Variants in LMO7 observed in about 807,000 individuals in gnomAD.
LMO7 encodes LIM domain 7.
In LMO7, 120 loss-of-function variants were observed where a neutral mutation model predicts 206.5. The ratio of observed to expected loss-of-function variants is 0.58; its 90% confidence interval spans 0.50 to 0.68. LMO7 has a LOEUF of 0.68. Ranked by LOEUF, LMO7 falls within the 30% of genes least tolerant of loss-of-function variation. LMO7 has a pLI of 0.00. For missense variants in LMO7, 1,959 were observed against 1,957.9 expected, an observed-to-expected ratio of 1.00 and a Z score of -0.01; for synonymous variants, 706 against 681.5, an observed-to-expected ratio of 1.04 and a Z score of -0.56.
intron 4 of LMO7, among the ~76,000 whole-genome samples, chr13:75,783,098 G>T (rs1466764519): frequency 3.3e-5 from 5 of 152,272 alleles, no homozygotes; most frequent in South Asian, 2.1e-4. Flanking sequence ...AAAACCATTT[G>T]TGATGGCATA....
At chr13:75,841,419 A>G (rs969524592) in intron 23 of LMO7, among the ~76,000 whole-genome samples, 1 of 152,204 alleles carries the variant, frequency 6.6e-6, no homozygotes, top group African/African-American at 2.4e-5. Flanking sequence ...AATTATGTTA[A>G]TAGAACTTCA....
intron 4 of LMO7, among the ~76,000 whole-genome samples, chr13:75,787,238 G>A (rs570973266): frequency 4.6e-5 from 7 of 152,300 alleles, no homozygotes; most frequent in Admixed American, 3.3e-4. Flanking sequence ...GGAGACACAC[G>A]TCTCAGTTGT....
chr13:75,819,628 T>C, intron 13 of LMO7, 93 bp downstream of exon 13: 2 of 1,216,506 alleles, frequency 1.6e-6, no homozygotes, highest in South Asian at 2.6e-5. Flanking sequence ...GACATAGGTG[T>C]CCACCAATAT....
In LMO7 at chr13:75,636,535, CG is replaced by C; in HGVS notation, c.-121del. ...ACTAGAGCCCCGGCGCCTTCGCAGCCGGAGCGGAAGCCGGAGTTGTGGGAGG... is the reference window on the plus strand; with the variant it reads ...ACTAGAGCCCCGGCGCCTTCGCAGCCGAGCGGAAGCCGGAGTTGTGGGAGG... On this transcript the variant is annotated 5_prime_UTR_variant, in exon 1 of 31. Transcript: ENST00000377534. The C allele has an allele frequency of 2.6e-6, 4 of 1,520,856 alleles. No homozygotes were observed. The highest frequency in any genetic ancestry group is 3.5e-6 in the Non-Finnish European group (4 of 1,141,630). 94.2% of individuals were successfully genotyped at this position (1,520,856 alleles called of 1,614,324 possible).
chr13:75,648,923 T>A (rs563812003), intron 1 of LMO7, among the ~76,000 whole-genome samples: 1 of 152,176 alleles, frequency 6.6e-6, no homozygotes, highest in Non-Finnish European at 1.5e-5. Flanking sequence ...GCAGACATGG[T>A]GGACAGCAAA....
At chr13:75,704,192 A>G (rs993029422) in intron 1 of LMO7, among the ~76,000 whole-genome samples, 6 of 152,154 alleles carry the variant, frequency 3.9e-5, no homozygotes, top group South Asian at 4.1e-4. Context: ...GCCCTGTACT[A>G]TCTCATTATA....
chr13:75,776,162 G>GATAGATATATAT (rs2050386060), intron 4 of LMO7, among the ~76,000 whole-genome samples: 1 of 36,830 alleles, frequency 2.7e-5, no homozygotes, highest in Non-Finnish European at 6.0e-5. Flanking sequence ...ATATATATCG[G>GATAGATATATAT]ATATATATAT....
chr13:75,851,451 C>T (rs558862627), intron 27 of LMO7, among the ~76,000 whole-genome samples: 19 of 152,284 alleles, frequency 1.2e-4, no homozygotes, highest in African/African-American at 3.6e-4. Flanking sequence ...GATACCTCTG[C>T]GGGTTAGGGC....
At chr13:75,639,620 A>G (rs1396452307) in intron 1 of LMO7, among the ~76,000 whole-genome samples, 3 of 152,108 alleles carry the variant, frequency 2.0e-5, no homozygotes, top group South Asian at 2.1e-4. Context: ...GTACCTTTTA[A>G]TTTTCTATGC....
At chr13:75,712,683 C>T (rs765661201) in intron 1 of LMO7, among the ~76,000 whole-genome samples, 1 of 152,036 alleles carries the variant, frequency 6.6e-6, no homozygotes, top group Non-Finnish European at 1.5e-5. Flanking sequence ...TCAATTAGGA[C>T]GATTTCATAA....
At chr13:75,765,666 T>C (rs933753611) in intron 4 of LMO7, among the ~76,000 whole-genome samples, 1 of 152,148 alleles carries the variant, frequency 6.6e-6, no homozygotes, top group South Asian at 2.1e-4. Flanking sequence ...AAATGCTCTT[T>C]AATGACAAAG....
intron 4 of LMO7, among the ~76,000 whole-genome samples, chr13:75,772,151 A>G (rs930969635): frequency 6.6e-6 from 1 of 152,138 alleles, no homozygotes; most frequent in African/African-American, 2.4e-5. Context: ...ATTTCTTACC[A>G]AGCCTTTAGA....
At chr13:75,751,124 C>A in intron 3 of LMO7, among the ~76,000 whole-genome samples, 1 of 137,836 alleles carries the variant, frequency 7.3e-6, no homozygotes. Flanking sequence ...TCAGCATCAT[C>A]ATGTACTCAG....
chr13:75,738,364 AT>A (rs1281511237), intron 3 of LMO7, among the ~76,000 whole-genome samples: 1 of 152,236 alleles, frequency 6.6e-6, no homozygotes, highest in African/African-American at 2.4e-5. Flanking sequence ...ACCATAGAAG[AT>A]ATCCCTTGAG....
chr13:75,632,351 T>C (rs1165098815), upstream of LMO7, among the ~76,000 whole-genome samples: 1 of 152,214 alleles, frequency 6.6e-6, no homozygotes, highest in African/African-American at 2.4e-5. Context: ...TGCAAAACCC[T>C]CCAGCCTTTC....
At chr13:75,702,980 TTC>T (rs1295953973) in intron 1 of LMO7, among the ~76,000 whole-genome samples, 4 of 152,362 alleles carry the variant, frequency 2.6e-5, no homozygotes, top group Admixed American at 2.6e-4. Flanking sequence ...CATATAGTCT[TTC>T]AAAAAGTATC....
intron 11 of LMO7, among the ~76,000 whole-genome samples, chr13:75,813,813 G>A (rs2056698973): frequency 1.3e-5 from 2 of 152,154 alleles, no homozygotes; most frequent in Non-Finnish European, 2.9e-5. Flanking sequence ...GGGAGATGCT[G>A]GGCTTTCTAG....
At chr13:75,832,397 CA>C (rs1296103901) in intron 15 of LMO7, among the ~76,000 whole-genome samples, 2 of 152,078 alleles carry the variant, frequency 1.3e-5, no homozygotes, top group Non-Finnish European at 2.9e-5. Flanking sequence ...CAGGATGTGT[CA>C]ATAGGGACCC....
chr13:75,842,767 C>T, intron 24 of LMO7, 84 bp from the exon 25 acceptor site: 1 of 807,820 alleles, frequency 1.2e-6, no homozygotes, highest in Non-Finnish European at 2.1e-6. Flanking sequence ...GCTAGAATGA[C>T]ATTATTTTGA....
Sources: allele counts gnomAD v4.1 joint callset (sites outside exome capture counted in the v4.1 genomes callset), GRCh38; gene constraint gnomAD v4.1.1; transcripts MANE v1.5; gene names NCBI Gene and HGNC (gene_info 2026-07-23, HGNC 2026-07-21).